The following EYS variants were observed in gnomAD, a reference collection of about 807,000 sequenced individuals.
EYS encodes protein eyes shut homolog.
A neutral mutation model predicts 282.1 loss-of-function variants in EYS; 250 were observed. The ratio of observed to expected loss-of-function variants is 0.89; its 90% confidence interval spans 0.80 to 0.98. The LOEUF (loss-of-function observed/expected upper bound fraction) is 0.98, where lower values mean the gene tolerates loss of function less well. Among genes scored for constraint, EYS ranks in the 50% least tolerant of loss-of-function variants. The pLI, the probability that EYS is intolerant of heterozygous loss-of-function variation, is 0.00. For synonymous variants in EYS, 1,355 were observed against 1,282.9 expected, an observed-to-expected ratio of 1.06 and a Z score of -1.20; for missense variants, 4,016 against 3,709.0, an observed-to-expected ratio of 1.08 and a Z score of -2.15.
chr6:63,983,130 C>A (rs1411470709), intron 35 of EYS, among the ~76,000 whole-genome samples: 1 of 151,636 alleles, frequency 6.6e-6, no homozygotes. Flanking sequence ...CACTCTTAGC[C>A]CCCAGATTTA....
At chr6:65,437,961 C>T (rs1249394356) in intron 5 of EYS, among the ~76,000 whole-genome samples, 2 of 151,618 alleles carry the variant, frequency 1.3e-5, no homozygotes, top group African/African-American at 4.8e-5. Flanking sequence ...CACCCATTAA[C>T]TCATCATTTA....
At chr6:64,757,169 C>T (rs1772966966) in intron 22 of EYS, among the ~76,000 whole-genome samples, 2 of 152,172 alleles carry the variant, frequency 1.3e-5, no homozygotes, top group African/African-American at 4.8e-5. Flanking sequence ...GGAAGACATA[C>T]TCTGTTATGA....
In EYS at chr6:65,618,827, T is replaced by C. The variant is rs1053864324; in HGVS notation, c.-333+20951A>G. On this transcript the variant is annotated intron_variant, in intron 2 of 42. Transcript: ENST00000503581. ...AATAGGGAATCCTTTCCCCATTGCT[T>C]GTTTTTCTCAGGTTTGTCAAAGATC... Among the ~76,000 whole-genome samples, 627 of 152,278 alleles carry C rather than the reference T, an allele frequency of 4.1e-3. 3 individuals are homozygous for C. Among genetic ancestry groups the C allele is most frequent in the Non-Finnish European group, 6.7e-3 (454 of 68,018 alleles).
intron 13 of EYS, among the ~76,000 whole-genome samples, chr6:64,999,439 G>A (rs1276984822): frequency 1.3e-5 from 2 of 152,058 alleles, no homozygotes. Flanking sequence ...GAAGAGTGTG[G>A]TCCCTTTAAA....
chr6:64,091,197 A>C (rs1772345102), intron 31 of EYS, among the ~76,000 whole-genome samples: 1 of 152,208 alleles, frequency 6.6e-6, no homozygotes, highest in South Asian at 2.1e-4. Context: ...ATTGGTCTTT[A>C]CCTCGTCTTA....
chr6:63,938,749 A>T (rs1211984351), intron 35 of EYS, among the ~76,000 whole-genome samples: 3 of 152,244 alleles, frequency 2.0e-5, no homozygotes, highest in Non-Finnish European at 4.4e-5. Flanking sequence ...AGTTGGATAT[A>T]TAAAAATATT....
chr6:64,589,394 T>A (rs1766329555), intron 26 of EYS, among the ~76,000 whole-genome samples: 1 of 152,040 alleles, frequency 6.6e-6, no homozygotes, highest in Admixed American at 6.6e-5. Context: ...AAGTTTATTG[T>A]CAAAGGAAAA....
At chr6:65,539,240 C>T (rs772694925) in intron 2 of EYS, among the ~76,000 whole-genome samples, 3 of 152,156 alleles carry the variant, frequency 2.0e-5, no homozygotes, top group Non-Finnish European at 2.9e-5. Flanking sequence ...CCTCAGAACA[C>T]ATCTCATAGA....
intron 41 of EYS, among the ~76,000 whole-genome samples, chr6:63,741,495 GAGCAAA>G (rs1562004494): frequency 6.6e-6 from 1 of 152,156 alleles, no homozygotes; most frequent in Admixed American, 6.6e-5. Flanking sequence ...TTTTTAATAT[GAGCAAA>G]AGATTGCTTC....
intron 8 of EYS, among the ~76,000 whole-genome samples, chr6:65,374,999 C>G (rs1181294699): frequency 6.6e-6 from 1 of 152,148 alleles, no homozygotes; most frequent in East Asian, 1.9e-4. Context: ...CTGAAAAGAG[C>G]AGTGGATCTC....
intron 12 of EYS, among the ~76,000 whole-genome samples, chr6:65,166,387 A>T (rs1052388687): frequency 6.6e-6 from 1 of 151,222 alleles, no homozygotes; most frequent in Admixed American, 6.6e-5. Context: ...ATGTAGTTAT[A>T]AAAGATCCAT....
intron 31 of EYS, among the ~76,000 whole-genome samples, chr6:64,130,712 C>T (rs759330608): frequency 6.6e-6 from 1 of 151,816 alleles, no homozygotes; most frequent in Non-Finnish European, 1.5e-5. Flanking sequence ...GAAGGCATAA[C>T]AGGAGCAATG....
intron 15 of EYS, among the ~76,000 whole-genome samples, chr6:64,917,886 A>G (rs897363565): frequency 2.6e-5 from 4 of 152,134 alleles, no homozygotes; most frequent in Non-Finnish European, 5.9e-5. Context: ...CAAAATTTCA[A>G]CCAAAACTGC....
intron 2 of EYS, among the ~76,000 whole-genome samples, chr6:65,496,875 T>A (rs1277985088): frequency 6.6e-6 from 1 of 152,068 alleles, no homozygotes; most frequent in Non-Finnish European, 1.5e-5. Context: ...TCATATCAAA[T>A]CTTTATGGTA....
intron 22 of EYS, among the ~76,000 whole-genome samples, chr6:64,779,987 C>T (rs914305941): frequency 2.0e-5 from 3 of 152,114 alleles, no homozygotes; most frequent in African/African-American, 7.2e-5. Context: ...TACTTAACTA[C>T]AAAGAGATAT....
chr6:63,879,602 T>C (rs899617782), intron 35 of EYS, among the ~76,000 whole-genome samples: 1 of 152,156 alleles, frequency 6.6e-6, no homozygotes, highest in Non-Finnish European at 1.5e-5. Context: ...TATATACTCT[T>C]TCTCTTATAA....
chr6:65,578,925 G>T (rs1298261281), intron 2 of EYS, among the ~76,000 whole-genome samples: 4 of 152,014 alleles, frequency 2.6e-5, no homozygotes, highest in Admixed American at 2.6e-4. Context: ...TTCTCTTATG[G>T]TCACACAGTA....
chr6:64,898,903 C>T (rs1562249183), intron 18 of EYS, among the ~76,000 whole-genome samples: 1 of 151,692 alleles, frequency 6.6e-6, no homozygotes. Flanking sequence ...ACAAGAAGAG[C>T]TAACTATCCC....
At chr6:64,902,293 G>A in intron 17 of EYS, 73 bp from the exon 18 acceptor site, 2 of 1,325,196 alleles carry the variant, frequency 1.5e-6, no homozygotes, top group East Asian at 5.0e-5. Context: ...ATTGTAGCAT[G>A]GCAAGTTTTT....
Sources: gnomAD v4.1 joint callset for allele counts (sites outside exome capture counted in the v4.1 genomes callset) on GRCh38, gnomAD v4.1.1 for gene constraint, MANE v1.5 for transcripts, NCBI Gene and HGNC (gene_info 2026-07-23, HGNC 2026-07-21) for gene names.